Variants in DSCAM observed in about 807,000 individuals in gnomAD.
The protein encoded by DSCAM is cell adhesion molecule DSCAM.
A neutral mutation model predicts 217.7 loss-of-function variants in DSCAM; 47 were observed. That is an observed-to-expected ratio of 0.22 (90% CI 0.17 to 0.28). DSCAM has a LOEUF of 0.28. Among genes scored for constraint, DSCAM ranks in the 10% least tolerant of loss-of-function variants. The probability of loss-of-function intolerance (pLI) is 1.00; values close to 1 mark genes in which losing one functional copy is unlikely to be tolerated. For missense variants in DSCAM, 2,080 were observed against 2,618.3 expected (o/e 0.79, Z 4.49); for synonymous variants, 1,056 against 1,015.3 (o/e 1.04, Z -0.76).
intron 11 of DSCAM, among the ~76,000 whole-genome samples, chr21:40,238,488 A>G (rs1569016797): frequency 6.6e-6 from 1 of 152,230 alleles, no homozygotes; most frequent in Non-Finnish European, 1.5e-5. Context: ...GAGAGGGGAT[A>G]GAGGTGTTCA....
At chr21:40,305,162 G>T (rs1569053202) in intron 9 of DSCAM, among the ~76,000 whole-genome samples, 1 of 152,054 alleles carries the variant, frequency 6.6e-6, no homozygotes, top group African/African-American at 2.4e-5. Flanking sequence ...GGCCAAGTGG[G>T]GTGCATCACC....
chr21:40,307,643 T>C (rs547753974), intron 9 of DSCAM, among the ~76,000 whole-genome samples: 4 of 152,298 alleles, frequency 2.6e-5, no homozygotes, highest in South Asian at 4.1e-4. Flanking sequence ...CGTATGTTTA[T>C]TGAGGCACTA....
At chr21:40,644,265 A>G (rs1465592775) in intron 3 of DSCAM, among the ~76,000 whole-genome samples, 2 of 152,228 alleles carry the variant, frequency 1.3e-5, no homozygotes, top group Non-Finnish European at 2.9e-5. Flanking sequence ...AGATAACTTT[A>G]TGACATTTCT....
chr21:40,743,404 C>G (rs554541247), intron 1 of DSCAM, among the ~76,000 whole-genome samples: 1 of 152,276 alleles, frequency 6.6e-6, no homozygotes, highest in Non-Finnish European at 1.5e-5. Flanking sequence ...TTTTATTCCA[C>G]TTGGGGCCTG....
chr21:40,810,538 C>G (rs7275499), intron 1 of DSCAM, among the ~76,000 whole-genome samples: 137,914 of 152,186 alleles, frequency 0.91, 62,609 homozygotes, highest in African/African-American at 0.95. Flanking sequence ...GGCCCCATCA[C>G]TAATTAGCTG....
intron 3 of DSCAM, among the ~76,000 whole-genome samples, chr21:40,549,013 G>A (rs1053037516): frequency 6.6e-6 from 1 of 152,152 alleles, no homozygotes; most frequent in Non-Finnish European, 1.5e-5. Context: ...AGACCAGCCT[G>A]AGCAACATGG....
At chr21:40,557,813 T>C (rs1173053064) in intron 3 of DSCAM, among the ~76,000 whole-genome samples, 1 of 152,184 alleles carries the variant, frequency 6.6e-6, no homozygotes, top group East Asian at 1.9e-4. Context: ...TCCAGTATTA[T>C]GTTATAGCAA....
intron 28 of DSCAM, among the ~76,000 whole-genome samples, chr21:40,057,873 CTTTTTT>C (rs71186913): frequency 9.3e-6 from 1 of 107,232 alleles, no homozygotes; most frequent in Non-Finnish European, 1.8e-5. Flanking sequence ...TCACTGCAGT[CTTTTTT>C]TTTTTTTTTT....
At chr21:40,071,289 A>C (rs1293556652) in intron 27 of DSCAM, among the ~76,000 whole-genome samples, 1 of 152,218 alleles carries the variant, frequency 6.6e-6, no homozygotes, top group Non-Finnish European at 1.5e-5. Flanking sequence ...ATTTAAAAAA[A>C]AATGTGGGCA....
At chr21:40,438,012 CT>C (rs886080475) in intron 3 of DSCAM, among the ~76,000 whole-genome samples, 1 of 152,308 alleles carries the variant, frequency 6.6e-6, no homozygotes, top group Admixed American at 6.5e-5. Flanking sequence ...TTGAAGCTGC[CT>C]TCTTGCTCGC....
chr21:40,628,132 C>T (rs147718165), intron 3 of DSCAM, among the ~76,000 whole-genome samples: 1 of 152,282 alleles, frequency 6.6e-6, no homozygotes, highest in African/African-American at 2.4e-5. Context: ...AAAAGATCAT[C>T]CATAAAATGA....
intron 3 of DSCAM, among the ~76,000 whole-genome samples, chr21:40,537,272 G>A (rs1015398461): frequency 1.4e-4 from 21 of 152,200 alleles, no homozygotes; most frequent in Admixed American, 1.4e-3. Context: ...AATATGTGGT[G>A]AGGAAGGGAG....
At chr21:40,189,379 G>A (rs1435594825) in intron 11 of DSCAM, 141 bp from the exon 12 acceptor site, 11 of 781,082 alleles carry the variant, frequency 1.4e-5, no homozygotes, top group Non-Finnish European at 1.9e-5. Context: ...TGAGAATCTC[G>A]AGCAAAATAA....
intron 3 of DSCAM, among the ~76,000 whole-genome samples, chr21:40,443,194 A>G (rs1237304828): frequency 1.3e-5 from 2 of 152,200 alleles, no homozygotes; most frequent in Non-Finnish European, 1.5e-5. Context: ...AATTTCTTTT[A>G]CCAGCATGAA....
chr21:40,489,590 C>T (rs1036214806), intron 3 of DSCAM, among the ~76,000 whole-genome samples: 17 of 151,494 alleles, frequency 1.1e-4, no homozygotes, highest in African/African-American at 2.4e-4. Context: ...CCGGCTAAAA[C>T]GGTGAAACCC....
chr21:40,332,395 C>T (rs2074386870), intron 8 of DSCAM, among the ~76,000 whole-genome samples: 1 of 152,138 alleles, frequency 6.6e-6, no homozygotes, highest in South Asian at 2.1e-4. Flanking sequence ...TCTATTCTTT[C>T]CCTGATTATG....
chr21:40,230,450 C>T (rs1186076760), intron 11 of DSCAM, among the ~76,000 whole-genome samples: 2 of 152,180 alleles, frequency 1.3e-5, no homozygotes, highest in African/African-American at 4.8e-5. Flanking sequence ...ATAATCAAAT[C>T]TGTGAGCACT....
chr21:40,185,215 T>C (rs912855606), intron 14 of DSCAM, among the ~76,000 whole-genome samples: 2 of 152,150 alleles, frequency 1.3e-5, no homozygotes, highest in African/African-American at 4.8e-5. Context: ...GGTGAGCACC[T>C]GAGAATTGAG....
intron 3 of DSCAM, among the ~76,000 whole-genome samples, chr21:40,393,935 G>T (rs868134898): frequency 6.6e-6 from 1 of 152,084 alleles, no homozygotes; most frequent in Non-Finnish European, 1.5e-5. Context: ...GTTCTTGAGT[G>T]TTTCTAATAT....
Sources: allele counts gnomAD v4.1 joint callset (sites outside exome capture counted in the v4.1 genomes callset), GRCh38; gene constraint gnomAD v4.1.1; transcripts MANE v1.5; gene names NCBI Gene and HGNC (gene_info 2026-07-23, HGNC 2026-07-21).